The following KLRC3 variants were observed in gnomAD, a reference collection of about 807,000 sequenced individuals.
KLRC3 encodes killer cell lectin like receptor C3.
A neutral mutation model predicts 23.6 loss-of-function variants in KLRC3; 16 were observed. The observed-to-expected ratio is 0.68, with a 90% CI of 0.46 to 1.03. The LOEUF (loss-of-function observed/expected upper bound fraction) is 1.03, where lower values mean the gene tolerates loss of function less well. Among genes scored for constraint, KLRC3 ranks in the 50% least tolerant of loss-of-function variants. KLRC3 has a pLI of 0.00. For missense variants in KLRC3, 209 were observed against 232.2 expected (o/e 0.90, Z 0.65); for synonymous variants, 70 against 71.8 (o/e 0.98, Z 0.13).
intron 5 of KLRC3, 140 bp downstream of exon 5, chr12:10,416,527 A>T (rs147701735): frequency 6.5e-6 from 7 of 1,079,680 alleles, no homozygotes; most frequent in Non-Finnish European, 7.8e-6. Context: ...ACTATGGTCT[A>T]TTGTAAAATA....
chr12:10,417,281 C>G (rs1455105642), intron 4 of KLRC3, among the ~76,000 whole-genome samples: 1 of 151,212 alleles, frequency 6.6e-6, no homozygotes, highest in East Asian at 1.9e-4. Context: ...CTCTCTGCTA[C>G]TCCCTACTAA....
At chr12:10,414,633 A>G (rs1221345987) in intron 6 of KLRC3, among the ~76,000 whole-genome samples, 1 of 139,020 alleles carries the variant, frequency 7.2e-6, no homozygotes, top group Non-Finnish European at 1.6e-5. Context: ...GGGGGGAGGG[A>G]TAGCATTAGG....
At chr12:10,420,338 C>T (rs374017336) in intron 1 of KLRC3, 26 bp downstream of exon 1, 129 of 1,603,748 alleles carry the variant, frequency 8.0e-5, no homozygotes, top group African/African-American at 3.1e-4. Context: ...AGAACAATAA[C>T]ATTGAAGATA....
At chr12:10,415,898 G>T in intron 5 of KLRC3, 104 bp from the exon 6 acceptor site, 1 of 833,508 alleles carries the variant, frequency 1.2e-6, no homozygotes, top group Non-Finnish European at 1.9e-6. Flanking sequence ...ATGAAAAAGG[G>T]TAATTAAATT....
rs557437135 is a variant in KLRC3 at position 10,419,591 on chromosome 12, G to T, written c.286+275C>A. 69 of 1,179,354 alleles carry T rather than the reference G, an allele frequency of 5.9e-5. No individual in the cohort carries two copies. The East Asian group carries it at 3.1e-3, about 53-fold the overall frequency. 73.1% of individuals were successfully genotyped at this position (1,179,354 alleles called of 1,614,324 possible). A position where few individuals can be genotyped will look rare whatever the true frequency, so the allele number is the denominator to read the frequency against. On this transcript the variant is annotated intron_variant, in intron 2 of 6. Transcript: ENST00000396439. ...TTTGGGGAAGAATTGTTCTGCTCCAGGACTGTAATAGAAAAATTAAAATGA... is the reference window on the plus strand; with the variant it reads ...TTTGGGGAAGAATTGTTCTGCTCCATGACTGTAATAGAAAAATTAAAATGA...
At chr12:10,418,228 C>T in intron 4 of KLRC3, 116 bp downstream of exon 4, 1 of 973,138 alleles carries the variant, frequency 1.0e-6, no homozygotes, top group Non-Finnish European at 1.5e-6. Context: ...CTGAATAATG[C>T]ATACACTTGA....
chr12:10,415,851 C>T lies in KLRC3; in HGVS notation c.588-57G>A, dbSNP rs1303713279. On this transcript the variant is annotated intron_variant, in intron 5 of 6. Transcript: ENST00000396439. ...CATTTTATGCAAATGACCCATGAGA[C>T]AAAAGCATTTTCCATGTACTGTAAG... is the stretch of plus-strand genomic sequence containing the variant. 6.3e-6 allele frequency: 8 copies of T among 1,266,380 alleles called. No individual in the cohort carries two copies. In the Admixed American group the frequency reaches 1.6e-4, roughly 25 times the overall value. The allele number at this position is 1,266,380 out of a possible 1,614,324, so 78.4% of individuals were successfully genotyped here. A position where few individuals can be genotyped will look rare whatever the true frequency, so the allele number is the denominator to read the frequency against.
chr12:10,418,304 A>G (rs35636223), intron 4 of KLRC3, 40 bp downstream of exon 4: 37 of 1,529,188 alleles, frequency 2.4e-5, no homozygotes, highest in East Asian at 9.0e-5. Context: ...ATTCACTGAA[A>G]GAAGCTTTTC....
At position 10,416,670 on chromosome 12, in the gene KLRC3, T is replaced by A. The variant is rs148120835; in HGVS notation, c.584A>T (p.His195Leu). 74 of 1,610,384 alleles carry A rather than the reference T, an allele frequency of 4.6e-5. No individual in the cohort carries two copies. The highest frequency in any genetic ancestry group is 5.8e-5 in the Non-Finnish European group (68 of 1,178,108). ...AGCACCCTATAAAACAACTTACTCA[T>A]GTTTGAAAGCCAAACCATTTATTGT... is the stretch of plus-strand genomic sequence containing the variant. ...WVTINGLAFK[H>L]EIKDSDHAER... Residue 195 changes from histidine to leucine, a missense_variant, in exon 5 of 7, where the codon CAT becomes CTT. By Grantham distance (99) the His-to-Leu change is moderately conservative. Coordinates refer to ENST00000396439, the MANE Select transcript of KLRC3 (RefSeq NM_002261.3).
intron 4 of KLRC3, among the ~76,000 whole-genome samples, chr12:10,417,573 A>C (rs938417884): frequency 6.6e-6 from 1 of 152,158 alleles, no homozygotes; most frequent in Non-Finnish European, 1.5e-5. Context: ...GAGACCTGCC[A>C]CCAATACGGA....
chr12:10,412,424 T>A lies in KLRC3; in HGVS notation c.*148A>T. The A allele has an allele frequency of 1.6e-6, 1 of 640,106 alleles. No homozygotes were observed. The highest frequency in any genetic ancestry group is 2.8e-6 in the Non-Finnish European group (1 of 361,458). 39.7% of individuals were successfully genotyped at this position (640,106 alleles called of 1,614,324 possible). ...ACTATATAGAGAGGGAAAAGTAATT[T>A]TTAAAACATCATCTAGTTAAAAATA... On this transcript the variant is annotated 3_prime_UTR_variant, in exon 7 of 7. Transcript: ENST00000396439.
chr12:10,420,340 T>C (rs190402940), intron 1 of KLRC3, 24 bp downstream of exon 1: 19 of 1,604,212 alleles, frequency 1.2e-5, no homozygotes, highest in East Asian at 2.2e-5. Context: ...AACAATAACA[T>C]TGAAGATATA....
rs772671173 is a variant in KLRC3, at chr12:10,420,399, T to C, written c.152A>G (p.Asn51Ser). The C allele has an allele frequency of 1.9e-6, 3 of 1,613,846 alleles. No individual in the cohort carries two copies. The East Asian group carries it at 6.7e-5, about 36-fold the overall frequency. ...VELNLQNASL[N>S]HQGIDKIYDC... ...ATATATTTTATCAATCCCTTGATGA[T>C]TCAGAGAAGCATTTTGAAGGTTTAA... The change falls in exon 1 of 7, where the codon AAT (asparagine) becomes AGT (serine). Residue 51 changes from asparagine (N) to serine (S), a missense_variant. Physicochemically the swap from Asn to Ser is conservative, Grantham distance 46. Around this residue, in one of 4 missense-constraint regions of KLRC3, gnomAD observed 109 missense variants for 113.2 expected, o/e 0.96. Transcript: ENST00000396439.
At chr12:10,415,466 TGCCACAA>T in intron 6 of KLRC3, 2 of 616,536 alleles carry the variant, frequency 3.2e-6, no homozygotes, top group South Asian at 4.8e-5. Context: ...GAAGCCTGAA[TGCCACAA>T]ACATCACGTT....
chr12:10,413,589 A>G (rs1863601053), intron 6 of KLRC3, among the ~76,000 whole-genome samples: 1 of 152,216 alleles, frequency 6.6e-6, no homozygotes, highest in African/African-American at 2.4e-5. Flanking sequence ...CTCAGATGGC[A>G]TAACTAGTGA....
intron 6 of KLRC3, among the ~76,000 whole-genome samples, chr12:10,415,000 C>T (rs544553990): frequency 6.6e-6 from 1 of 151,990 alleles, no homozygotes; most frequent in Non-Finnish European, 1.5e-5. Context: ...TTCAAACCCC[C>T]AAAATACATA....
At position 10,420,507 on chromosome 12, in the gene KLRC3, T is replaced by A. The variant is rs1863706741; in HGVS notation, c.44A>T (p.Gln15Leu). 6.2e-7 allele frequency: 1 copy of A among 1,609,648 alleles called. No homozygotes were observed. Among genetic ancestry groups the A allele is most frequent in the Admixed American group, 1.7e-5 (1 of 59,406 alleles). The change falls in exon 1 of 7, where the codon CAG becomes CTG. Residue 15 changes from glutamine to leucine, a missense_variant. Gln to Leu is a moderately radical substitution (Grantham distance 113). Transcript: ENST00000396439. ...RGTFSEVSLA[Q>L]DPKWQQRKPK... ...TTTCCTTTGCTGCCACTTTGGGTCC[T>A]GGGCCAGACTCACTTCTGAGAAGGT...
At chr12:10,415,375 G>A (rs894563892) in intron 6 of KLRC3, among the ~76,000 whole-genome samples, 6 of 152,078 alleles carry the variant, frequency 3.9e-5, no homozygotes, top group Non-Finnish European at 7.4e-5. Context: ...CATTAGCAAC[G>A]CTATTTTATT....
chr12:10,414,707 A>C (rs1863615796), intron 6 of KLRC3, among the ~76,000 whole-genome samples: 1 of 151,604 alleles, frequency 6.6e-6, no homozygotes, highest in Non-Finnish European at 1.5e-5. Flanking sequence ...ACATGTATAC[A>C]TATGTAACAA....
Sources: allele counts gnomAD v4.1 joint callset (sites outside exome capture counted in the v4.1 genomes callset), GRCh38; gene constraint gnomAD v4.1.1; regional missense constraint gnomAD v4.1.1; transcripts MANE v1.5; gene names NCBI Gene and HGNC (gene_info 2026-07-23, HGNC 2026-07-21).